The following GNAI1 variants were observed in gnomAD, a reference collection of about 807,000 sequenced individuals.
The protein encoded by GNAI1 is guanine nucleotide-binding protein G(i) subunit alpha-1.
In GNAI1, 11 loss-of-function variants were observed where a neutral mutation model predicts 38.9. The ratio of observed to expected loss-of-function variants is 0.28; its 90% confidence interval spans 0.18 to 0.47. The LOEUF (loss-of-function observed/expected upper bound fraction) is 0.47, where lower values mean the gene tolerates loss of function less well. Ranked by LOEUF, GNAI1 falls within the 20% of genes least tolerant of loss-of-function variation. GNAI1 has a pLI of 0.99. For missense variants in GNAI1, 317 were observed against 436.9 expected, an observed-to-expected ratio of 0.73 and a Z score of 2.45; for synonymous variants, 166 against 145.1, an observed-to-expected ratio of 1.14 and a Z score of -1.04.
intron 1 of GNAI1, among the ~76,000 whole-genome samples, chr7:80,136,857 A>T (rs2116057476): frequency 6.6e-6 from 1 of 152,282 alleles, no homozygotes; most frequent in Middle Eastern, 3.4e-3. Flanking sequence ...TTGTCCTTTA[A>T]TTAGGTGACT....
intron 7 of GNAI1, 81 bp from the exon 8 acceptor site, chr7:80,217,222 A>ATATGTATGAAACTGACTTCAGTTTCG: frequency 1.1e-6 from 1 of 904,622 alleles, no homozygotes; most frequent in Non-Finnish European, 1.7e-6. Flanking sequence ...CTTCAGTTTC[A>ATATGTATGAAACTGACTTCAGTTTCG]TATGTATGAA....
chr7:80,161,832 A>T (rs1314867875), intron 1 of GNAI1, among the ~76,000 whole-genome samples: 2 of 152,194 alleles, frequency 1.3e-5, no homozygotes, highest in Admixed American at 6.5e-5. Flanking sequence ...CTACTGGATC[A>T]TGGAATTATA....
At chr7:80,155,857 C>T (rs552447683) in intron 1 of GNAI1, among the ~76,000 whole-genome samples, 2 of 151,918 alleles carry the variant, frequency 1.3e-5, no homozygotes, top group African/African-American at 4.8e-5. Context: ...GAGTTTGAGA[C>T]CAGCCTGGCC....
At chr7:80,214,183 T>A (rs547431458) in intron 7 of GNAI1, among the ~76,000 whole-genome samples, 1 of 152,304 alleles carries the variant, frequency 6.6e-6, no homozygotes, top group South Asian at 2.1e-4. Flanking sequence ...ACGGTGAAAT[T>A]ACACTTCAGT....
chr7:80,196,873 T>C (rs1008013078), intron 3 of GNAI1, among the ~76,000 whole-genome samples: 1 of 151,974 alleles, frequency 6.6e-6, no homozygotes, highest in African/African-American at 2.4e-5. Context: ...ATTGTTACTA[T>C]AGTAGAGTAG....
At chr7:80,185,814 C>A (rs538147198) in intron 1 of GNAI1, among the ~76,000 whole-genome samples, 4 of 152,132 alleles carry the variant, frequency 2.6e-5, no homozygotes. Flanking sequence ...TACCAGTGTT[C>A]AGAATGTTGA....
chr7:80,199,175 T>G (rs1197290829), intron 3 of GNAI1, 50 bp from the exon 4 acceptor site: 1 of 1,348,972 alleles, frequency 7.4e-7, no homozygotes, highest in Non-Finnish European at 1.0e-6. Context: ...TTGTACTTTT[T>G]ATCTCTGACG....
chr7:80,196,960 G>A (rs1224562734), intron 3 of GNAI1, among the ~76,000 whole-genome samples: 2 of 151,860 alleles, frequency 1.3e-5, no homozygotes, highest in Admixed American at 6.6e-5. Flanking sequence ...CAAAAATCTC[G>A]AATACAGTAC....
chr7:80,148,709 C>G (rs1291190739), intron 1 of GNAI1, among the ~76,000 whole-genome samples: 2 of 151,938 alleles, frequency 1.3e-5, no homozygotes, highest in African/African-American at 4.8e-5. Context: ...TGGTTGTGTT[C>G]TAGAAATGAT....
intron 5 of GNAI1, among the ~76,000 whole-genome samples, chr7:80,204,140 T>C (rs1788733323): frequency 6.7e-6 from 1 of 149,900 alleles, no homozygotes; most frequent in African/African-American, 2.4e-5. Flanking sequence ...TAATATACTG[T>C]GTTTTCGGAA....
intron 1 of GNAI1, among the ~76,000 whole-genome samples, chr7:80,165,190 C>T (rs1006970415): frequency 6.6e-6 from 1 of 152,008 alleles, no homozygotes; most frequent in African/African-American, 2.4e-5. Flanking sequence ...GTTGTGATTC[C>T]TCTCCCCTCT....
chr7:80,135,288 G>A lies in GNAI1; in HGVS notation c.118+10G>A. 2 of 1,433,094 alleles carry A rather than the reference G, an allele frequency of 1.4e-6. No individual in the cohort carries two copies. The highest frequency in any genetic ancestry group is 1.5e-5 in the South Asian group (1 of 67,950). The allele number at this position is 1,433,094 out of a possible 1,614,324, so 88.8% of individuals were successfully genotyped here. On this transcript the variant is annotated intron_variant, in intron 1 of 7. Transcript: ENST00000649796. ...AAGCTGCTGCTGCTCGGTAAGGGCG[G>A]CCGGGTCGGGGCCCGGGGGTCGGCG...
At chr7:80,137,293 C>CTTTTCTTTTCTTTTTTTTTTTTT (rs1787432808) in intron 1 of GNAI1, among the ~76,000 whole-genome samples, 2 of 95,262 alleles carry the variant, frequency 2.1e-5, no homozygotes, top group African/African-American at 8.1e-5. Context: ...TTTCTTTTTT[C>CTTTTCTTTTCTTTTTTTTTTTTT]TTTTTTTTTT....
At chr7:80,188,308 C>T (rs1191413961) in intron 1 of GNAI1, among the ~76,000 whole-genome samples, 1 of 152,192 alleles carries the variant, frequency 6.6e-6, no homozygotes, top group Non-Finnish European at 1.5e-5. Context: ...GCAGTTAAAA[C>T]ATCTTCCAAT....
At chr7:80,135,397 G>C (rs1787391786) in intron 1 of GNAI1, 119 bp downstream of exon 1, 2 of 540,560 alleles carry the variant, frequency 3.7e-6, no homozygotes, top group Non-Finnish European at 5.9e-6. Context: ...AGGCTTCTGA[G>C]CGGGAGCTGG....
intron 1 of GNAI1, chr7:80,136,052 C>CAA: frequency 1.0e-6 from 1 of 985,336 alleles, no homozygotes. Flanking sequence ...GCCACCGTTT[C>CAA]TGATGAATGA....
At chr7:80,206,065 CTG>C (rs950718728) in intron 5 of GNAI1, among the ~76,000 whole-genome samples, 7 of 152,064 alleles carry the variant, frequency 4.6e-5, no homozygotes, top group African/African-American at 1.7e-4. Flanking sequence ...GTAGTCAACA[CTG>C]TTAAATTATA....
At chr7:80,155,030 C>T (rs1400416124) in intron 1 of GNAI1, among the ~76,000 whole-genome samples, 3 of 151,948 alleles carry the variant, frequency 2.0e-5, no homozygotes, top group Non-Finnish European at 4.4e-5. Flanking sequence ...TAATACATTG[C>T]TTATTTTTTC....
intron 1 of GNAI1, among the ~76,000 whole-genome samples, chr7:80,170,039 A>G (rs1320874481): frequency 6.6e-6 from 1 of 152,236 alleles, no homozygotes; most frequent in African/African-American, 2.4e-5. Context: ...TCCATTGTAC[A>G]GACGGGCTAC....
Sources: allele counts gnomAD v4.1 joint callset (sites outside exome capture counted in the v4.1 genomes callset), GRCh38; gene constraint gnomAD v4.1.1; transcripts MANE v1.5; gene names NCBI Gene and HGNC (gene_info 2026-07-23, HGNC 2026-07-21).